Variants in LARP1B observed in about 807,000 individuals in gnomAD.
LARP1B encodes la-related protein 1B.
LARP1B carries 76 observed loss-of-function variants against 114.2 expected under a neutral mutation model. That is an observed-to-expected ratio of 0.67 (90% CI 0.55 to 0.81). LARP1B has a LOEUF of 0.81. Among genes scored for constraint, LARP1B ranks in the 30% least tolerant of loss-of-function variants. The pLI is 0.00. For missense variants in LARP1B, 1,014 were observed against 1,075.8 expected (o/e 0.94, Z 0.80); for synonymous variants, 345 against 348.0 (o/e 0.99, Z 0.10).
intron 9 of LARP1B, 68 bp from the exon 10 acceptor site, chr4:128,114,502 A>G: frequency 1.7e-6 from 2 of 1,172,826 alleles, no homozygotes; most frequent in South Asian, 1.5e-5. Flanking sequence ...TAAGGAAAAA[A>G]TGAAGTGTAT....
intron 11 of LARP1B, chr4:128,122,823 G>A: frequency 9.3e-7 from 1 of 1,072,870 alleles, no homozygotes; most frequent in Non-Finnish European, 1.1e-6. Context: ...TCCTATCCTA[G>A]TTATTAAGGT....
chr4:128,107,576 CTT>C, intron 9 of LARP1B: 1 of 1,371,896 alleles, frequency 7.3e-7, no homozygotes, highest in African/African-American at 1.5e-5. Context: ...GAGTTTCTAT[CTT>C]TTATTTTTAC....
intron 10 of LARP1B, among the ~76,000 whole-genome samples, chr4:128,116,671 G>A (rs1332259690): frequency 1.3e-5 from 2 of 152,146 alleles, no homozygotes; most frequent in African/African-American, 4.8e-5. Context: ...CATGGCTTTA[G>A]GTTCTGGGGG....
At chr4:128,110,280 A>T (rs947659664) in intron 9 of LARP1B, among the ~76,000 whole-genome samples, 1 of 152,088 alleles carries the variant, frequency 6.6e-6, no homozygotes, top group Non-Finnish European at 1.5e-5. Context: ...AAATATATGT[A>T]TCTAAATTTT....
intron 5 of LARP1B, among the ~76,000 whole-genome samples, chr4:128,085,297 C>G (rs961826093): frequency 1.4e-5 from 2 of 147,326 alleles, no homozygotes; most frequent in Non-Finnish European, 3.0e-5. Flanking sequence ...TGGAGAGAGG[C>G]TTTGAGACTG....
intron 1 of LARP1B, among the ~76,000 whole-genome samples, chr4:128,073,368 A>C (rs529361023): frequency 1.5e-5 from 2 of 137,648 alleles, no homozygotes; most frequent in Admixed American, 1.6e-4. Flanking sequence ...GTGAGCCAAG[A>C]TTGCGCCACT....
chr4:128,183,984 C>T (rs1749462687), intron 15 of LARP1B, among the ~76,000 whole-genome samples: 2 of 152,102 alleles, frequency 1.3e-5, no homozygotes, highest in Non-Finnish European at 2.9e-5. Flanking sequence ...TGAATTGCTG[C>T]GATCTCACGA....
chr4:128,098,104 G>T, intron 7 of LARP1B, 82 bp from the exon 8 acceptor site: 1 of 1,065,084 alleles, frequency 9.4e-7, no homozygotes, highest in East Asian at 2.5e-5. Flanking sequence ...GTTAATGATT[G>T]GTTTTCACAG....
At chr4:128,106,090 C>G (rs1214796018) in intron 8 of LARP1B, among the ~76,000 whole-genome samples, 1 of 151,274 alleles carries the variant, frequency 6.6e-6, no homozygotes, top group Admixed American at 6.6e-5. Flanking sequence ...GTGGCGCCAT[C>G]TCGGCTCACT....
At chr4:128,091,172 T>G in intron 6 of LARP1B, 28 bp downstream of exon 6, 1 of 1,599,594 alleles carries the variant, frequency 6.3e-7, no homozygotes, top group Admixed American at 1.8e-5. Context: ...TTTCGTTAAA[T>G]TAGATAAACT....
rs1375994292 is a variant in LARP1B at position 128,098,782 on chromosome 4, T to G, written c.813+452T>G. Among the ~76,000 whole-genome samples, 154 of 100,810 alleles carry G rather than the reference T, an allele frequency of 1.5e-3. 2 individuals carry two copies. Among genetic ancestry groups the G allele is most frequent in the African/African-American group, 5.4e-3 (147 of 27,384 alleles). 66.1% of individuals were successfully genotyped at this position (100,810 alleles called of 152,430 possible). A position where few individuals can be genotyped will look rare whatever the true frequency, so the allele number is the denominator to read the frequency against. On this transcript the variant is annotated intron_variant, in intron 8 of 19. Coordinates refer to ENST00000326639, the MANE Select transcript of LARP1B (RefSeq NM_018078.4). ...ATATATATATATTTTTTTTTTTTTT[T>G]TTTTTTTTTTTTTAAGACAGTGTCT...
At chr4:128,168,322 T>C (rs1042597081) in intron 12 of LARP1B, among the ~76,000 whole-genome samples, 3 of 152,046 alleles carry the variant, frequency 2.0e-5, no homozygotes, top group Non-Finnish European at 4.4e-5. Context: ...TAGTATCTCA[T>C]TGTGACTGAT....
chr4:128,142,735 CA>C (rs958865059), intron 11 of LARP1B, among the ~76,000 whole-genome samples: 4 of 151,852 alleles, frequency 2.6e-5, no homozygotes, highest in African/African-American at 9.7e-5. Flanking sequence ...CTCGAACTCC[CA>C]ACCTCAGGTG....
rs373915399 is a variant in LARP1B, at chr4:128,176,928, T to C, written c.1684+21T>C. On this transcript the variant is annotated intron_variant, in intron 13 of 19. Transcript: ENST00000326639. ...GAAAGGTAACATCTGTGGTGGGTAT[T>C]AAAGGGAGGCTATGATATCCTTTGC... The C allele has an allele frequency of 3.1e-6, 5 of 1,607,938 alleles. No individual in the cohort carries two copies. The African/African-American group carries it at 5.3e-5, about 17-fold the overall frequency.
At chr4:128,173,679 C>T (rs1744765221) in intron 12 of LARP1B, among the ~76,000 whole-genome samples, 1 of 152,170 alleles carries the variant, frequency 6.6e-6, no homozygotes, top group Non-Finnish European at 1.5e-5. Flanking sequence ...GATTAAAGGA[C>T]TCTGTATCAA....
rs1402693418 is a variant in LARP1B, at chr4:128,091,014, T to C, written c.372T>C (p.Asp124=). The C allele has an allele frequency of 1.9e-6, 3 of 1,608,612 alleles. No homozygotes were observed. Among genetic ancestry groups the C allele is most frequent in the Admixed American group, 3.3e-5 (2 of 59,792 alleles). The change falls in exon 6 of 20, where the codon GAT becomes GAC. Residue 124 remains aspartate (D), a synonymous_variant. Coordinates refer to ENST00000326639, the MANE Select transcript of LARP1B (RefSeq NM_018078.4). ...TATTTTTAAAAGGTTGGAAGCGAGA[T>C]AGAGAAAAAAGGGATGATCAAGATG... The part of the protein sequence containing the change: ...RRNDTRSWKR[D]REKRDDQDDV...
chr4:128,208,537 T>C (rs1376035286), intron 19 of LARP1B, among the ~76,000 whole-genome samples: 1 of 152,172 alleles, frequency 6.6e-6, no homozygotes. Context: ...GCCAGTTCTG[T>C]CACAAAGACA....
chr4:128,131,896 A>G lies in LARP1B; in HGVS notation c.1524+9708A>G, dbSNP rs558179215. 2.2e-4 allele frequency among the ~76,000 whole-genome samples: 34 copies of G among 152,350 alleles called. 1 individual carries two copies. The East Asian group carries it at 6.5e-3, about 29-fold the overall frequency. On this transcript the variant is annotated intron_variant, in intron 11 of 19. Coordinates refer to ENST00000326639, the MANE Select transcript of LARP1B (RefSeq NM_018078.4). ...CCCAAAAGGATAACTATAATAAAGA[A>G]GACAGATATACTGACAAGTGTGAGG...
In LARP1B at chr4:128,202,100, G is replaced by A. The variant is rs568594410; in HGVS notation, c.2309+1435G>A. Among the ~76,000 whole-genome samples the A allele has an allele frequency of 1.3e-4, 20 of 152,252 alleles. No homozygotes were observed. In the South Asian group the frequency reaches 3.9e-3, roughly 30 times the overall value. ...CAGGAACAGCAGATCCATGGCAGGT[G>A]TACTTCTATTTCTTTTTCCTCTATT... On this transcript the variant is annotated intron_variant, in intron 17 of 19. Coordinates refer to ENST00000326639, the MANE Select transcript of LARP1B (RefSeq NM_018078.4).
Sources: allele counts gnomAD v4.1 joint callset (sites outside exome capture counted in the v4.1 genomes callset), GRCh38; gene constraint gnomAD v4.1.1; transcripts MANE v1.5; gene names NCBI Gene and HGNC (gene_info 2026-07-23, HGNC 2026-07-21).